Variants in CALCRL observed in about 807,000 individuals in gnomAD.
CALCRL encodes calcitonin gene-related peptide type 1 receptor.
In CALCRL, 27 loss-of-function variants were observed where a neutral mutation model predicts 60.4. That is an observed-to-expected ratio of 0.45 (90% CI 0.33 to 0.62). CALCRL has a LOEUF of 0.62. Ranked by LOEUF, CALCRL falls within the 20% of genes least tolerant of loss-of-function variation. The pLI, the probability that CALCRL is intolerant of heterozygous loss-of-function variation, is 0.03. For missense variants in CALCRL, 424 were observed against 540.7 expected (o/e 0.78, Z 2.14); for synonymous variants, 190 against 182.6 (o/e 1.04, Z -0.33).
intron 12 of CALCRL, among the ~76,000 whole-genome samples, chr2:187,356,514 A>G (rs1016275323): frequency 1.3e-5 from 2 of 152,224 alleles, no homozygotes; most frequent in Non-Finnish European, 2.9e-5. Context: ...CTCAAGATGC[A>G]TGAAAGACTT....
At chr2:187,430,857 T>C (rs965863432) in intron 1 of CALCRL, among the ~76,000 whole-genome samples, 2 of 152,108 alleles carry the variant, frequency 1.3e-5, no homozygotes, top group African/African-American at 4.8e-5. Context: ...ATTAGCCCTA[T>C]TTTATAATGT....
At chr2:187,395,441 A>C (rs1201545650) in intron 1 of CALCRL, among the ~76,000 whole-genome samples, 1 of 152,110 alleles carries the variant, frequency 6.6e-6, no homozygotes, top group African/African-American at 2.4e-5. Context: ...TACATTAATA[A>C]ATGGCTTGAC....
chr2:187,437,372 C>A (rs1037595294), intron 1 of CALCRL, among the ~76,000 whole-genome samples: 14 of 152,086 alleles, frequency 9.2e-5, no homozygotes, highest in Admixed American at 9.2e-4. Flanking sequence ...GAAACCCAGT[C>A]TCTATTAAAA....
Position 187,342,825 on chromosome 2 carries a change from A to T in CALCRL, c.*3359T>A, listed in dbSNP as rs1686140096. Among the ~76,000 whole-genome samples the T allele has an allele frequency of 6.6e-6, 1 of 151,578 alleles. No individual in the cohort carries two copies. Among genetic ancestry groups the T allele is most frequent in the South Asian group, 2.1e-4 (1 of 4,824 alleles). ...TTTGAATTCTCCTTTGAATTTTTGT[A>T]ACATCTTACTTGTTCCTTCATTAAT... On this transcript the variant is annotated 3_prime_UTR_variant, in exon 15 of 15. Coordinates refer to ENST00000392370, the MANE Select transcript of CALCRL (RefSeq NM_005795.6).
At chr2:187,357,286 A>C (rs1034003026) in intron 12 of CALCRL, among the ~76,000 whole-genome samples, 4 of 152,116 alleles carry the variant, frequency 2.6e-5, no homozygotes, top group Admixed American at 2.6e-4. Flanking sequence ...TGGATAAAGA[A>C]AATGTGGCAT....
At chr2:187,426,305 A>C (rs972270146) in intron 1 of CALCRL, among the ~76,000 whole-genome samples, 2 of 151,236 alleles carry the variant, frequency 1.3e-5, no homozygotes, top group Non-Finnish European at 3.0e-5. Context: ...TTTTCTCGTG[A>C]AAATCTTTAC....
In CALCRL at chr2:187,352,108, C is replaced by CAG; in HGVS notation, c.1128+5_1128+6insCT. The CAG allele has an allele frequency of 6.2e-7, 1 of 1,609,850 alleles. No individual in the cohort carries two copies. Among genetic ancestry groups the CAG allele is most frequent in the Non-Finnish European group, 8.5e-7 (1 of 1,176,702 alleles). On this transcript the variant is annotated splice_donor_region_variant and intron_variant, in intron 13 of 14. Coordinates refer to ENST00000392370, the MANE Select transcript of CALCRL (RefSeq NM_005795.6). Reference sequence around the variant, plus strand: ...TCAAGCTGCCTTCTTATCAAGAATGCCATACCTGGAAGTGCATAAGGATGT... The same window carrying CAG: ...TCAAGCTGCCTTCTTATCAAGAATGCAGCATACCTGGAAGTGCATAAGGATGT...
chr2:187,398,741 C>A (rs539130729), intron 1 of CALCRL, among the ~76,000 whole-genome samples: 1 of 151,658 alleles, frequency 6.6e-6, no homozygotes, highest in East Asian at 1.9e-4. Context: ...ATTAGGGAAG[C>A]TTTTTCTTTC....
chr2:187,356,987 A>G (rs1237781139), intron 12 of CALCRL, among the ~76,000 whole-genome samples: 1 of 152,204 alleles, frequency 6.6e-6, no homozygotes, highest in Non-Finnish European at 1.5e-5. Flanking sequence ...GGTGATCATT[A>G]AAATGTCAGG....
chr2:187,372,952 A>G (rs532403626), intron 8 of CALCRL, among the ~76,000 whole-genome samples: 6 of 152,116 alleles, frequency 3.9e-5, no homozygotes, highest in Non-Finnish European at 8.8e-5. Context: ...GCAGTCTTTC[A>G]TCTTGTTTTA....
intron 9 of CALCRL, among the ~76,000 whole-genome samples, chr2:187,361,025 T>C (rs1687032413): frequency 6.6e-6 from 1 of 152,108 alleles, no homozygotes; most frequent in Non-Finnish European, 1.5e-5. Context: ...ATTTTCTGAA[T>C]GTGTTTTTGT....
At chr2:187,428,934 A>G (rs1690276782) in intron 1 of CALCRL, 1 of 151,596 alleles carries the variant, frequency 6.6e-6, no homozygotes, top group Non-Finnish European at 1.5e-5. Flanking sequence ...ACTTTTCTGG[A>G]GTATTTTCAT....
At chr2:187,392,625 T>G (rs1688494906) in intron 1 of CALCRL, among the ~76,000 whole-genome samples, 1 of 152,176 alleles carries the variant, frequency 6.6e-6, no homozygotes, top group South Asian at 2.1e-4. Flanking sequence ...TTCTCACTGC[T>G]TATTTTTGGA....
chr2:187,437,535 A>T (rs1690698165), intron 1 of CALCRL, among the ~76,000 whole-genome samples: 1 of 152,180 alleles, frequency 6.6e-6, no homozygotes, highest in African/African-American at 2.4e-5. Context: ...GTCTTTGTAA[A>T]GACAGCCCTA....
chr2:187,427,237 C>T (rs966717068), intron 1 of CALCRL, among the ~76,000 whole-genome samples: 2 of 152,128 alleles, frequency 1.3e-5, no homozygotes, highest in African/African-American at 4.8e-5. Flanking sequence ...GAGATCAAAT[C>T]GAGTTTGAGA....
At chr2:187,417,937 A>G (rs972234593) in intron 1 of CALCRL, among the ~76,000 whole-genome samples, 5 of 152,198 alleles carry the variant, frequency 3.3e-5, no homozygotes, top group African/African-American at 1.2e-4. Flanking sequence ...TCACATTTAC[A>G]AAGTGTCAAG....
Position 187,385,386 on chromosome 2 carries a change from A to T in CALCRL, c.51+159T>A, listed in dbSNP as rs575855988. 9.9e-5 allele frequency among the ~76,000 whole-genome samples: 15 copies of T among 152,178 alleles called. No homozygotes were observed. The South Asian group carries it at 3.1e-3, about 32-fold the overall frequency. ...CTTCTCATTCTATACCTGTTATAGG[A>T]CTAAAAGCATACACCGAATGAAAAC... On this transcript the variant is annotated intron_variant, in intron 4 of 14. Transcript: ENST00000392370.
intron 14 of CALCRL, among the ~76,000 whole-genome samples, chr2:187,347,783 A>G (rs974915019): frequency 9.9e-5 from 15 of 151,908 alleles, no homozygotes; most frequent in African/African-American, 3.6e-4. Context: ...AAATAAACTC[A>G]AAGTTTTATT....
Position 187,342,931 on chromosome 2 carries a change from C to A in CALCRL, c.*3253G>T, listed in dbSNP as rs755281164. Among the ~76,000 whole-genome samples the A allele has an allele frequency of 2.4e-4, 36 of 151,426 alleles. No individual in the cohort carries two copies. The highest frequency in any genetic ancestry group is 1.6e-3 in the Admixed American group (24 of 15,182). ...ATGAATATGCCCTCTTTAAAAATTA[C>A]CTTTAAATACTTATTTTTCTTTCTA... On this transcript the variant is annotated 3_prime_UTR_variant, in exon 15 of 15. Transcript: ENST00000392370.
Sources: gnomAD v4.1 joint callset for allele counts (sites outside exome capture counted in the v4.1 genomes callset) on GRCh38, gnomAD v4.1.1 for gene constraint, MANE v1.5 for transcripts, NCBI Gene and HGNC (gene_info 2026-07-23, HGNC 2026-07-21) for gene names.